CCNB1IP1: variants seen among roughly 807,000 people sequenced by gnomAD.
CCNB1IP1 encodes E3 ubiquitin-protein ligase CCNB1IP1.
CCNB1IP1 carries 14 observed loss-of-function variants against 25.6 expected under a neutral mutation model. That is an observed-to-expected ratio of 0.55 (90% CI 0.36 to 0.85). CCNB1IP1 has a LOEUF of 0.85. Among genes scored for constraint, CCNB1IP1 ranks in the 40% least tolerant of loss-of-function variants. CCNB1IP1 has a pLI of 0.01. For synonymous variants in CCNB1IP1, 119 were observed against 116.1 expected, an observed-to-expected ratio of 1.02 and a Z score of -0.16; for missense variants, 278 against 342.4, an observed-to-expected ratio of 0.81 and a Z score of 1.48.
chr14:20,320,504 G>C (rs1427775618), intron 4 of CCNB1IP1: 3 of 329,998 alleles, frequency 9.1e-6, no homozygotes, highest in African/African-American at 6.6e-5. Flanking sequence ...AAAAAAACAA[G>C]GCAACCAACC....
intron 1 of CCNB1IP1, among the ~76,000 whole-genome samples, chr14:20,330,232 G>A (rs1883194666): frequency 6.6e-6 from 1 of 152,074 alleles, no homozygotes; most frequent in Non-Finnish European, 1.5e-5. Flanking sequence ...TCACTTATAA[G>A]TGGGAGCTAA....
At chr14:20,320,967 A>G (rs8022671) in intron 4 of CCNB1IP1, among the ~76,000 whole-genome samples, 48,042 of 150,900 alleles carry the variant, frequency 0.32, 8,470 homozygotes, top group African/African-American at 0.48. Flanking sequence ...GAGAAACCCC[A>G]TCTCTACTAA....
intron 6 of CCNB1IP1, among the ~76,000 whole-genome samples, chr14:20,312,269 G>A (rs976616633): frequency 1.3e-5 from 2 of 152,186 alleles, no homozygotes; most frequent in Admixed American, 6.5e-5. Context: ...CCCATTTACA[G>A]TAACTCTGAT....
At chr14:20,315,136 C>CAAAAAAAA (rs1159450735) in intron 5 of CCNB1IP1, among the ~76,000 whole-genome samples, 1 of 9,064 alleles carries the variant, frequency 1.1e-4, no homozygotes, top group African/African-American at 4.2e-4. Flanking sequence ...TACACCTCAC[C>CAAAAAAAA]AAAAAAAAAA....
rs1882572093 is a variant in CCNB1IP1 at position 20,313,493 on chromosome 14, CTG to C, written c.604_605del (p.Gln202ValfsTer10). 2 of 1,597,050 alleles carry C rather than the reference CTG, an allele frequency of 1.3e-6. No homozygotes were observed. Among genetic ancestry groups the C allele is most frequent in the African/African-American group, 1.4e-5 (1 of 74,058 alleles). ...EGTLEPSMIA[Q>X]SGVLGFPLGN... ...CTAATGGGAAGCCAAGAACACCAGA[CTG>C]TGCAATCATGGATGGTTCAAGGGTG... On this transcript the variant is annotated frameshift_variant, in exon 6 of 7. Coordinates refer to ENST00000358932, the MANE Select transcript of CCNB1IP1 (RefSeq NM_021178.5). LOFTEE classifies it high-confidence loss of function.
At chr14:20,320,756 G>A (rs149141974) in intron 4 of CCNB1IP1, among the ~76,000 whole-genome samples, 8,094 of 140,048 alleles carry the variant, frequency 0.058, 682 homozygotes, top group African/African-American at 0.19. Flanking sequence ...AGTGAGCCAA[G>A]ATCACACCAC....
At chr14:20,315,386 A>C in intron 5 of CCNB1IP1, 1 of 703,680 alleles carries the variant, frequency 1.4e-6, no homozygotes, top group South Asian at 4.0e-5. Flanking sequence ...TTGCTTACAA[A>C]AATAAACATA....
chr14:20,312,277 G>A (rs1411829028), intron 6 of CCNB1IP1, among the ~76,000 whole-genome samples: 1 of 151,690 alleles, frequency 6.6e-6, no homozygotes, highest in African/African-American at 2.4e-5. Flanking sequence ...CAGTAACTCT[G>A]ATTGACTAAA....
intron 1 of CCNB1IP1, among the ~76,000 whole-genome samples, chr14:20,332,351 T>C (rs1317849626): frequency 2.0e-5 from 3 of 151,918 alleles, no homozygotes; most frequent in African/African-American, 7.3e-5. Flanking sequence ...AAAATTAACA[T>C]GTACCAAAAG....
intron 1 of CCNB1IP1, among the ~76,000 whole-genome samples, chr14:20,332,472 A>G (rs1883282011): frequency 6.6e-6 from 1 of 152,186 alleles, no homozygotes; most frequent in African/African-American, 2.4e-5. Flanking sequence ...TTCTAAAGGT[A>G]CCTAACATTT....
At chr14:20,318,725 G>A (rs1389791543) in intron 4 of CCNB1IP1, among the ~76,000 whole-genome samples, 1 of 152,168 alleles carries the variant, frequency 6.6e-6, no homozygotes, top group Non-Finnish European at 1.5e-5. Context: ...AACCTGAAGA[G>A]GAAAGCTAGA....
intron 4 of CCNB1IP1, among the ~76,000 whole-genome samples, chr14:20,318,628 C>T (rs1336442822): frequency 6.6e-6 from 1 of 152,106 alleles, no homozygotes; most frequent in Non-Finnish European, 1.5e-5. Context: ...ATTTTCTTTG[C>T]CCTTCTGTGC....
chr14:20,317,001 C>A (rs1882722139), intron 4 of CCNB1IP1, among the ~76,000 whole-genome samples: 1 of 152,094 alleles, frequency 6.6e-6, no homozygotes, highest in Non-Finnish European at 1.5e-5. Context: ...CCCAGCTACT[C>A]GGGAGGCTGA....
intron 4 of CCNB1IP1, among the ~76,000 whole-genome samples, chr14:20,321,070 G>C (rs1377745123): frequency 6.6e-6 from 1 of 151,720 alleles, no homozygotes; most frequent in South Asian, 2.1e-4. Context: ...CCTGGAAGGC[G>C]GGTTTGCAGT....
chr14:20,324,986 T>C (rs1402621991), intron 4 of CCNB1IP1, among the ~76,000 whole-genome samples: 2 of 151,984 alleles, frequency 1.3e-5, no homozygotes, highest in Non-Finnish European at 2.9e-5. Flanking sequence ...ATTTTTTGTA[T>C]TTTTTTAGTA....
At chr14:20,323,693 C>A (rs1373985867) in intron 4 of CCNB1IP1, among the ~76,000 whole-genome samples, 2 of 151,994 alleles carry the variant, frequency 1.3e-5, no homozygotes, top group African/African-American at 4.8e-5. Context: ...CTTTGGGAGG[C>A]CGAGGCGGGT....
At chr14:20,312,765 C>T (rs1412282342) in intron 6 of CCNB1IP1, among the ~76,000 whole-genome samples, 1 of 151,294 alleles carries the variant, frequency 6.6e-6, no homozygotes, top group East Asian at 1.9e-4. Context: ...TGGCATCATA[C>T]TAGATTGTGA....
chr14:20,320,682 G>C (rs1411343187), intron 4 of CCNB1IP1, among the ~76,000 whole-genome samples: 1 of 151,568 alleles, frequency 6.6e-6, no homozygotes, highest in South Asian at 2.1e-4. Flanking sequence ...GCAGGCACCT[G>C]TAATCCCAGC....
At chr14:20,314,907 C>T (rs1882627434) in intron 5 of CCNB1IP1, among the ~76,000 whole-genome samples, 1 of 150,344 alleles carries the variant, frequency 6.7e-6, no homozygotes, top group African/African-American at 2.4e-5. Flanking sequence ...CTGGCTAACA[C>T]GGTGAAACCC....
Sources: gnomAD v4.1 joint callset for allele counts (sites outside exome capture counted in the v4.1 genomes callset) on GRCh38, gnomAD v4.1.1 for gene constraint, MANE v1.5 for transcripts, NCBI Gene and HGNC (gene_info 2026-07-23, HGNC 2026-07-21) for gene names.